Variants in LGSN observed in about 807,000 individuals in gnomAD.
The protein encoded by LGSN is lengsin.
In LGSN, 21 loss-of-function variants were observed where a neutral mutation model predicts 19.5. That is an observed-to-expected ratio of 1.07 (90% CI 0.76 to 1.55). The LOEUF is 1.55. Ranked by LOEUF, LGSN falls within the 40% of genes most tolerant of loss-of-function variation. The pLI is 0.00. For missense variants in LGSN, 673 were observed against 608.5 expected (o/e 1.11, Z -1.12); for synonymous variants, 257 against 215.6 (o/e 1.19, Z -1.68).
At chr6:63,387,471 G>A in the LGSN span, among the ~76,000 whole-genome samples, 1 of 152,078 alleles carries the variant, frequency 6.6e-6, no homozygotes, top group African/African-American at 2.4e-5. Context: ...ATATGCATAG[G>A]TTACATGCAA....
the LGSN span, among the ~76,000 whole-genome samples, chr6:63,457,383 T>G: frequency 6.6e-6 from 1 of 152,094 alleles, no homozygotes; most frequent in Non-Finnish European, 1.5e-5. Context: ...CACATGCCTG[T>G]AGTCCCAGCT....
the LGSN span, among the ~76,000 whole-genome samples, chr6:63,332,330 G>A: frequency 6.6e-6 from 1 of 152,184 alleles, no homozygotes; most frequent in Non-Finnish European, 1.5e-5. Context: ...AGAGGTGAGA[G>A]GAAGTTTGTC....
the LGSN span, among the ~76,000 whole-genome samples, chr6:63,458,231 C>T: frequency 6.6e-6 from 1 of 152,074 alleles, no homozygotes; most frequent in East Asian, 1.9e-4. Context: ...CCACGCCCGG[C>T]TAATTTTGTA....
the LGSN span, chr6:63,571,689 C>G: frequency 6.6e-6 from 1 of 152,334 alleles, no homozygotes; most frequent in East Asian, 1.9e-4. Flanking sequence ...ACAAAGGATG[C>G]ATGTGATTTC....
At chr6:63,485,328 C>T in the LGSN span, among the ~76,000 whole-genome samples, 1 of 152,122 alleles carries the variant, frequency 6.6e-6, no homozygotes, top group Admixed American at 6.6e-5. Flanking sequence ...AGGATAATGG[C>T]CTCTAGCTCC....
the LGSN span, among the ~76,000 whole-genome samples, chr6:63,363,130 T>G: frequency 1.4e-4 from 21 of 152,124 alleles, no homozygotes; most frequent in Admixed American, 1.3e-4. Context: ...TGCAGCTGAG[T>G]GTTCTCACTG....
chr6:63,338,559 A>G, the LGSN span, among the ~76,000 whole-genome samples: 1 of 151,884 alleles, frequency 6.6e-6, no homozygotes, highest in Non-Finnish European at 1.5e-5. Context: ...CTCCTTTTTC[A>G]TTTCTAATTT....
chr6:63,471,893 A>G, the LGSN span, among the ~76,000 whole-genome samples: 1 of 152,144 alleles, frequency 6.6e-6, no homozygotes, highest in African/African-American at 2.4e-5. Flanking sequence ...AGACAAAAAG[A>G]GATCGAAATC....
intron 3 of LGSN, among the ~76,000 whole-genome samples, chr6:63,283,392 A>G (rs2127382312): frequency 6.6e-6 from 1 of 152,298 alleles, no homozygotes; most frequent in Middle Eastern, 3.4e-3. Context: ...GGACCATAGT[A>G]AAGGTCATCT....
chr6:63,333,647 A>AAGGAAGGGGAAGGGAAG, the LGSN span, among the ~76,000 whole-genome samples: 6,474 of 149,216 alleles, frequency 0.043, 520 homozygotes, highest in African/African-American at 0.15. Context: ...AGAAAAAGGA[A>AAGGAAGGGGAAGGGAAG]AGGAAGGGGA....
At chr6:63,520,098 A>G in the LGSN span, among the ~76,000 whole-genome samples, 2 of 152,216 alleles carry the variant, frequency 1.3e-5, no homozygotes, top group African/African-American at 4.8e-5. Context: ...TTATCAAACA[A>G]AAACTAACCA....
the LGSN span, among the ~76,000 whole-genome samples, chr6:63,559,359 T>A: frequency 6.6e-6 from 1 of 152,226 alleles, no homozygotes; most frequent in Non-Finnish European, 1.5e-5. Context: ...ATTTCCATCC[T>A]TACTTGTAAA....
the LGSN span, among the ~76,000 whole-genome samples, chr6:63,563,434 C>T: frequency 6.6e-6 from 1 of 152,182 alleles, no homozygotes; most frequent in Non-Finnish European, 1.5e-5. Context: ...CTCTCTTCCT[C>T]CCCCTCTTTT....
chr6:63,492,462 G>T, the LGSN span, among the ~76,000 whole-genome samples: 4 of 152,180 alleles, frequency 2.6e-5, no homozygotes, highest in Non-Finnish European at 5.9e-5. Flanking sequence ...CACAACACTT[G>T]TGCACCTAAC....
chr6:63,412,244 G>C, the LGSN span, among the ~76,000 whole-genome samples: 2 of 151,700 alleles, frequency 1.3e-5, no homozygotes, highest in African/African-American at 4.8e-5. Flanking sequence ...GCAGAAGCCT[G>C]TAATCCCAGC....
chr6:63,547,498 A>ATT, the LGSN span, among the ~76,000 whole-genome samples: 12 of 90,794 alleles, frequency 1.3e-4, no homozygotes, highest in East Asian at 3.5e-4. Context: ...CCAGGGGGGA[A>ATT]TTTTTTTTTT....
At chr6:63,426,243 C>T in the LGSN span, among the ~76,000 whole-genome samples, 4 of 152,090 alleles carry the variant, frequency 2.6e-5, no homozygotes, top group African/African-American at 9.7e-5. Flanking sequence ...TTTTATGATC[C>T]TTAGAGATTT....
the LGSN span, among the ~76,000 whole-genome samples, chr6:63,538,511 T>C: frequency 1.3e-5 from 2 of 152,264 alleles, no homozygotes; most frequent in Non-Finnish European, 2.9e-5. Flanking sequence ...ACATGTTCAG[T>C]ATTTGAAGCT....
chr6:63,454,561 C>T, the LGSN span, among the ~76,000 whole-genome samples: 1 of 150,384 alleles, frequency 6.6e-6, no homozygotes, highest in African/African-American at 2.4e-5. Context: ...CAACCTCCGC[C>T]TCCCGGGTTC....
Sources: allele counts gnomAD v4.1 joint callset (sites outside exome capture counted in the v4.1 genomes callset), GRCh38; gene constraint gnomAD v4.1.1; transcripts MANE v1.5; gene names NCBI Gene and HGNC (gene_info 2026-07-23, HGNC 2026-07-21).